The following BMERB1 variants were observed in gnomAD, a reference collection of about 807,000 sequenced individuals.
The protein encoded by BMERB1 is bMERB domain containing 1, also known as bMERB domain-containing protein 1.
A neutral mutation model predicts 23.6 loss-of-function variants in BMERB1; 12 were observed. That is an observed-to-expected ratio of 0.51 (90% CI 0.33 to 0.82). The LOEUF is 0.82. BMERB1 is among the 40% of genes least tolerant of loss of function. The pLI is 0.03. For missense variants in BMERB1, 247 were observed against 255.4 expected (o/e 0.97, Z 0.22); for synonymous variants, 122 against 96.6 (o/e 1.26, Z -1.54).
chr16:15,583,202 T>A lies in BMERB1; in HGVS notation c.466T>A (p.Leu156Ile). The A allele has an allele frequency of 6.2e-7, 1 of 1,613,640 alleles. No homozygotes were observed. Among genetic ancestry groups the A allele is most frequent in the Non-Finnish European group, 8.5e-7 (1 of 1,179,606 alleles). The change falls in exon 5 of 6, where the codon TTA becomes ATA. Residue 156 changes from leucine (L) to isoleucine (I), a missense_variant. Coordinates refer to ENST00000300006, the MANE Select transcript of BMERB1 (RefSeq NM_033201.3). ...AATGGCTGATTTCCTGAGAATCAAG[T>A]TAAAACCTCTAGACAAAGTAACCAA... is the stretch of plus-strand genomic sequence containing the variant. ...KEMADFLRIKLKPLDKVTKSP... is the reference protein window; with the variant it reads ...KEMADFLRIKIKPLDKVTKSP...
intron 5 of BMERB1, chr16:15,584,226 G>A (rs2031085169): frequency 1.7e-6 from 1 of 577,744 alleles, no homozygotes; most frequent in Non-Finnish European, 3.1e-6. Flanking sequence ...TCTCAAATGT[G>A]TTTAACTGCT....
At chr16:15,507,397 G>C (rs1181756257) in intron 1 of BMERB1, among the ~76,000 whole-genome samples, 1 of 152,136 alleles carries the variant, frequency 6.6e-6, no homozygotes, top group African/African-American at 2.4e-5. Flanking sequence ...ATCTCCCTGG[G>C]GTGGCATTTG....
intron 3 of BMERB1, 21 bp downstream of exon 3, chr16:15,568,077 C>T (rs1231349724): frequency 1.2e-6 from 2 of 1,612,824 alleles, no homozygotes; most frequent in African/African-American, 2.7e-5. Context: ...GCAACTTCAC[C>T]TTGTGCTAAA....
At chr16:15,479,060 G>T (rs2051297299) in intron 1 of BMERB1, among the ~76,000 whole-genome samples, 2 of 152,122 alleles carry the variant, frequency 1.3e-5, no homozygotes, top group South Asian at 4.1e-4. Context: ...TTCAGCCTTG[G>T]GTATTTGTCA....
intron 2 of BMERB1, among the ~76,000 whole-genome samples, chr16:15,545,063 C>G (rs1226448251): frequency 3.9e-5 from 6 of 152,156 alleles, no homozygotes; most frequent in Admixed American, 1.3e-4. Flanking sequence ...ACCTCTGCCC[C>G]CCGGGTTCAA....
At position 15,463,490 on chromosome 16, in the gene BMERB1, T is replaced by G. The variant is rs955321093; in HGVS notation, c.106+28731T>G. Reference sequence around the variant, plus strand: ...GAATGAGAAGCTGGGCAGGAGCCTGTGCGAGTTGGGCTTTGTGGAGACACA... The same window carrying G: ...GAATGAGAAGCTGGGCAGGAGCCTGGGCGAGTTGGGCTTTGTGGAGACACA... On this transcript the variant is annotated intron_variant, in intron 1 of 5. Transcript: ENST00000300006. 7.9e-5 allele frequency among the ~76,000 whole-genome samples: 12 copies of G among 152,278 alleles called. No individual in the cohort carries two copies. The East Asian group carries it at 9.6e-4, about 12-fold the overall frequency.
chr16:15,521,829 C>T (rs2051856999), intron 2 of BMERB1, among the ~76,000 whole-genome samples: 1 of 152,134 alleles, frequency 6.6e-6, no homozygotes, highest in Non-Finnish European at 1.5e-5. Flanking sequence ...TTTCTCACTT[C>T]TTGACCCTAT....
chr16:15,500,921 G>A (rs567874474), intron 1 of BMERB1, among the ~76,000 whole-genome samples: 8 of 151,622 alleles, frequency 5.3e-5, no homozygotes, highest in Admixed American at 5.2e-4. Context: ...CAAAGTGCTG[G>A]GATTACAGGC....
chr16:15,462,015 T>C (rs1420628311), intron 1 of BMERB1, among the ~76,000 whole-genome samples: 5 of 152,034 alleles, frequency 3.3e-5, no homozygotes, highest in Admixed American at 1.3e-4. Flanking sequence ...TAACTTTGAA[T>C]GTCAGATAAA....
At chr16:15,491,313 G>GTAGA (rs1342572935) in intron 1 of BMERB1, among the ~76,000 whole-genome samples, 4 of 151,900 alleles carry the variant, frequency 2.6e-5, no homozygotes, top group Admixed American at 2.6e-4. Flanking sequence ...TGCTCCCTTA[G>GTAGA]TAGATCACAC....
intron 2 of BMERB1, among the ~76,000 whole-genome samples, chr16:15,557,752 A>G (rs908278191): frequency 1.3e-5 from 2 of 152,156 alleles, no homozygotes; most frequent in African/African-American, 2.4e-5. Context: ...AAGGACATTT[A>G]ATATTTACTT....
At chr16:15,524,471 G>A (rs1229833638) in intron 2 of BMERB1, among the ~76,000 whole-genome samples, 3 of 152,134 alleles carry the variant, frequency 2.0e-5, no homozygotes, top group African/African-American at 7.2e-5. Flanking sequence ...TGATTGAATG[G>A]AGAAATACAT....
chr16:15,579,936 A>T (rs2030965142), intron 3 of BMERB1, among the ~76,000 whole-genome samples: 1 of 152,164 alleles, frequency 6.6e-6, no homozygotes, highest in Non-Finnish European at 1.5e-5. Context: ...TCAAAATTGT[A>T]TGCAATTTAG....
At chr16:15,438,132 G>A (rs192596029) in intron 1 of BMERB1, among the ~76,000 whole-genome samples, 74 of 151,846 alleles carry the variant, frequency 4.9e-4, no homozygotes, top group African/African-American at 1.7e-3. Context: ...TGTCCCCCAG[G>A]CTGGAGTGCA....
chr16:15,542,054 G>C (rs1165376163), intron 2 of BMERB1, among the ~76,000 whole-genome samples: 2 of 147,460 alleles, frequency 1.4e-5, no homozygotes, highest in East Asian at 2.0e-4. Context: ...CAGTGCCCCC[G>C]ACCACCTGTC....
chr16:15,434,742 C>G lies in BMERB1; in HGVS notation c.89C>G (p.Thr30Arg). ...GCGGTGGAGGAGACGGCTTGGAAAA[C>G]GGAGAGACTGGGGAGAAGTGAGTAC... ...YGAVEETAWK[T>R]ERLGRNQLDI... is the part of the protein sequence containing the mutation. Residue 30 changes from threonine (T) to arginine (R), a missense_variant, in exon 1 of 6, where the codon ACG (threonine) becomes AGG (arginine). Physicochemically the swap from Thr to Arg is moderately conservative, Grantham distance 71. Coordinates refer to ENST00000300006, the MANE Select transcript of BMERB1 (RefSeq NM_033201.3). 6.3e-7 allele frequency: 1 copy of G among 1,578,964 alleles called. No homozygotes were observed. The highest frequency in any genetic ancestry group is 8.6e-7 in the Non-Finnish European group (1 of 1,164,390).
At chr16:15,521,828 T>A (rs1299344046) in intron 2 of BMERB1, among the ~76,000 whole-genome samples, 1 of 152,114 alleles carries the variant, frequency 6.6e-6, no homozygotes, top group Non-Finnish European at 1.5e-5. Flanking sequence ...TTTTCTCACT[T>A]CTTGACCCTA....
intron 1 of BMERB1, 29 bp from the exon 2 acceptor site, chr16:15,515,276 G>A: frequency 6.2e-7 from 1 of 1,612,390 alleles, no homozygotes. Flanking sequence ...TTGGGGTCCT[G>A]ATGGTTGTAT....
chr16:15,549,323 C>CT (rs1266263125), intron 2 of BMERB1, among the ~76,000 whole-genome samples: 1 of 124,516 alleles, frequency 8.0e-6, no homozygotes, highest in East Asian at 2.4e-4. Context: ...CCAGCCTGGG[C>CT]AACAGAGCAA....
Sources: gnomAD v4.1 joint callset for allele counts (sites outside exome capture counted in the v4.1 genomes callset) on GRCh38, gnomAD v4.1.1 for gene constraint, MANE v1.5 for transcripts, NCBI Gene and HGNC (gene_info 2026-07-23, HGNC 2026-07-21) for gene names.